GPHN: variants seen among roughly 807,000 people sequenced by gnomAD.
GPHN encodes gephyrin.
GPHN carries 17 observed loss-of-function variants against 95.5 expected under a neutral mutation model. The ratio of observed to expected loss-of-function variants is 0.18; its 90% CI spans 0.12 to 0.27. The LOEUF (loss-of-function observed/expected upper bound fraction) is 0.27, where lower values mean the gene tolerates loss of function less well. Among genes scored for constraint, GPHN ranks in the 10% least tolerant of loss-of-function variants. GPHN has a pLI of 1.00. For missense variants in GPHN, 660 were observed against 978.1 expected, an observed-to-expected ratio of 0.67 and a Z score of 4.34; for synonymous variants, 320 against 322.5, an observed-to-expected ratio of 0.99 and a Z score of 0.08.
chr14:67,578,775 G>T, the GPHN span: 2 of 675,494 alleles, frequency 3.0e-6, no homozygotes, highest in Non-Finnish European at 5.4e-6. The surrounding 1 kb of genome is among the most constrained non-coding windows in gnomAD (Gnocchi z 5.0). Flanking sequence ...ACCCATTGCC[G>T]TGTGCACAAA....
intron 2 of GPHN, among the ~76,000 whole-genome samples, chr14:66,733,665 A>C (rs1466502442): frequency 6.6e-6 from 1 of 152,206 alleles, no homozygotes; most frequent in Non-Finnish European, 1.5e-5. Context: ...TTTATCAAAG[A>C]CTAACATAAT....
chr14:67,122,261 A>C lies in GPHN; in HGVS notation c.1632A>C (p.Leu544=), dbSNP rs774030358. 6.2e-7 allele frequency: 1 copy of C among 1,613,604 alleles called. No homozygotes were observed. Among genetic ancestry groups the C allele is most frequent in the Admixed American group, 1.7e-5 (1 of 60,010 alleles). ...VAVMSTGNEL[L]NPEDDLLPGK... ...GTGGTTTTTTGGCTTTGTAGCTGCT[A>C]AATCCTGAAGATGACCTCTTACCAG... Residue 544 remains leucine, a synonymous_variant, in exon 17 of 23, where the codon CTA becomes CTC. Transcript: ENST00000478722.
chr14:67,681,099 T>TA, the GPHN span, among the ~76,000 whole-genome samples: 1 of 152,128 alleles, frequency 6.6e-6, no homozygotes, highest in Non-Finnish European at 1.5e-5. Flanking sequence ...TAACTAAGGT[T>TA]AAATGAGGTC....
At chr14:67,523,129 C>T in the GPHN span, among the ~76,000 whole-genome samples, 4 of 152,066 alleles carry the variant, frequency 2.6e-5, no homozygotes, top group South Asian at 8.3e-4. Flanking sequence ...TCAAGACCAG[C>T]CTGGCCAACA....
chr14:67,222,676 G>A, the GPHN span, among the ~76,000 whole-genome samples: 2 of 152,130 alleles, frequency 1.3e-5, no homozygotes, highest in South Asian at 2.1e-4. Context: ...CTTTTAATGT[G>A]GAGGTTGTCT....
chr14:67,169,814 C>T (rs978055766), intron 21 of GPHN, among the ~76,000 whole-genome samples: 1 of 152,190 alleles, frequency 6.6e-6, no homozygotes, highest in African/African-American at 2.4e-5. Flanking sequence ...CAATGGCTGG[C>T]GCCTGTAATG....
At chr14:67,637,485 A>G in the GPHN span, among the ~76,000 whole-genome samples, 1 of 151,454 alleles carries the variant, frequency 6.6e-6, no homozygotes, top group Middle Eastern at 3.4e-3. Context: ...TTAACTTCCC[A>G]TCAGCCTCCT....
chr14:66,754,049 T>C (rs553828286), intron 2 of GPHN, among the ~76,000 whole-genome samples: 23 of 152,128 alleles, frequency 1.5e-4, no homozygotes, highest in Non-Finnish European at 1.8e-4. Flanking sequence ...AGTAGTTCTT[T>C]TTTATTTCTG....
chr14:67,686,638 C>CCA, the GPHN span, among the ~76,000 whole-genome samples: 6 of 80,188 alleles, frequency 7.5e-5, no homozygotes, highest in African/African-American at 3.0e-4. Flanking sequence ...GACACCGGTG[C>CCA]AAAAAAAAAA....
At chr14:67,628,211 T>C in the GPHN span, among the ~76,000 whole-genome samples, 1 of 152,210 alleles carries the variant, frequency 6.6e-6, no homozygotes, top group Admixed American at 6.5e-5. Context: ...GCCTCCTTTA[T>C]ATTGCAGATT....
intron 8 of GPHN, among the ~76,000 whole-genome samples, chr14:66,949,819 TC>T (rs1232179522): frequency 6.6e-6 from 1 of 152,138 alleles, no homozygotes; most frequent in Non-Finnish European, 1.5e-5. Context: ...ATTCTTGGCA[TC>T]AAATATAAAT....
chr14:67,160,577 A>C (rs1488053950), intron 19 of GPHN, among the ~76,000 whole-genome samples: 1 of 152,210 alleles, frequency 6.6e-6, no homozygotes, highest in Non-Finnish European at 1.5e-5. Flanking sequence ...CTATCTGTTT[A>C]GACCTTTGCT....
At chr14:67,600,016 G>A in the GPHN span, 2 of 1,553,142 alleles carry the variant, frequency 1.3e-6, no homozygotes, top group Non-Finnish European at 1.7e-6. Context: ...GGGCCGACTT[G>A]CCATTACCTC....
intron 9 of GPHN, among the ~76,000 whole-genome samples, chr14:66,975,777 C>G (rs966999157): frequency 2.0e-5 from 3 of 152,022 alleles, no homozygotes; most frequent in Admixed American, 1.3e-4. Flanking sequence ...GCCAGCTACT[C>G]AGGAGAATCA....
chr14:67,684,895 GA>G, the GPHN span: 1 of 706,728 alleles, frequency 1.4e-6, no homozygotes, highest in Non-Finnish European at 2.2e-6. Flanking sequence ...AAAAACTCTA[GA>G]GTTAAAAGAC....
rs2153704885 is a variant in GPHN, at chr14:67,143,377, C to G, written c.1764C>G (p.Leu588=). 1 of 1,607,936 alleles carries G rather than the reference C, an allele frequency of 6.2e-7. No homozygotes were observed. The highest frequency in any genetic ancestry group is 8.5e-7 in the Non-Finnish European group (1 of 1,174,412). The stretch of plus-strand genomic sequence containing the variant: ...TTTTTTCCAGCCCAGATGACTTACT[C>G]AATGCCTTGAATGAGGGTATCAGTC... ...GIVGDNPDDL[L]NALNEGISRA... is the part of the protein sequence containing the mutation. The change falls in exon 18 of 23, where the codon CTC becomes CTG. Residue 588 remains leucine, a synonymous_variant. Coordinates refer to ENST00000478722, the MANE Select transcript of GPHN (RefSeq NM_020806.5).
At chr14:67,355,886 T>C in the GPHN span, among the ~76,000 whole-genome samples, 2 of 151,022 alleles carry the variant, frequency 1.3e-5, no homozygotes, top group Non-Finnish European at 2.9e-5. Context: ...GGTAATCCCA[T>C]ATACAAAGAA....
chr14:67,320,307 A>G, the GPHN span: 18 of 1,613,922 alleles, frequency 1.1e-5, no homozygotes, highest in Middle Eastern at 3.3e-4. Context: ...GAGACCTATC[A>G]TCTTGATTGG....
the GPHN span, among the ~76,000 whole-genome samples, chr14:67,423,861 C>T: frequency 9.2e-5 from 14 of 152,294 alleles, no homozygotes; most frequent in South Asian, 2.1e-4. Flanking sequence ...GTTGGAGGAA[C>T]GAAAGACTTT....
Sources: allele counts gnomAD v4.1 joint callset (sites outside exome capture counted in the v4.1 genomes callset), GRCh38; gene constraint gnomAD v4.1.1; non-coding constraint Gnocchi (gnomAD v3.1); transcripts MANE v1.5; gene names NCBI Gene and HGNC (gene_info 2026-07-23, HGNC 2026-07-21).